SLC2A13: variants seen among roughly 807,000 people sequenced by gnomAD.
The protein encoded by SLC2A13 is solute carrier family 2 member 13, also known as proton myo-inositol cotransporter.
A neutral mutation model predicts 64.4 loss-of-function variants in SLC2A13; 32 were observed. That is an observed-to-expected ratio of 0.50 (90% CI 0.37 to 0.67). SLC2A13 has a LOEUF of 0.67. Among genes scored for constraint, SLC2A13 ranks in the 30% least tolerant of loss-of-function variants. The pLI, the probability that SLC2A13 is intolerant of heterozygous loss-of-function variation, is 0.00. For synonymous variants in SLC2A13, 338 were observed against 327.1 expected (o/e 1.03, Z -0.36); for missense variants, 743 against 829.2 (o/e 0.90, Z 1.28).
intron 4 of SLC2A13, among the ~76,000 whole-genome samples, chr12:39,894,788 T>C (rs1368360610): frequency 1.3e-5 from 2 of 151,188 alleles, no homozygotes; most frequent in African/African-American, 4.9e-5. Flanking sequence ...GATGTAAAGA[T>C]TAGGGAATAA....
chr12:39,926,032 G>A (rs1945722807), intron 4 of SLC2A13, among the ~76,000 whole-genome samples: 1 of 151,968 alleles, frequency 6.6e-6, no homozygotes, highest in Non-Finnish European at 1.5e-5. Context: ...TTCTCATTTG[G>A]GCACGAATTT....
In SLC2A13 at chr12:39,760,170, T is replaced by A. The variant is rs769905519; in HGVS notation, c.1803A>T (p.Lys601Asn). 1 of 1,612,938 alleles carries A rather than the reference T, an allele frequency of 6.2e-7. No homozygotes were observed. Among genetic ancestry groups the A allele is most frequent in the South Asian group, 1.1e-5 (1 of 91,052 alleles). ...CAAAGAGTGATTCAATTTCCTCTAA[T>A]TTTTTGCCTTTGGTCTCAGGAAGAC... Reference protein sequence around the residue: ...YGCLPETKGKKLEEIESLFDN... With the variant: ...YGCLPETKGKNLEEIESLFDN... The change falls in exon 10 of 10, where the codon AAA (lysine) becomes AAT (asparagine). Residue 601 changes from lysine (K) to asparagine (N), a missense_variant. Coordinates refer to ENST00000280871, the MANE Select transcript of SLC2A13 (RefSeq NM_052885.4).
intron 6 of SLC2A13, among the ~76,000 whole-genome samples, chr12:39,861,915 C>A (rs1268115225): frequency 6.6e-6 from 1 of 152,086 alleles, no homozygotes; most frequent in Non-Finnish European, 1.5e-5. Flanking sequence ...GCAGGACGTG[C>A]AGGTCTGTTA....
intron 4 of SLC2A13, chr12:39,907,707 C>A (rs954178532): frequency 6.6e-5 from 10 of 151,920 alleles, no homozygotes; most frequent in African/African-American, 2.4e-4. Flanking sequence ...TGCAGAAAGC[C>A]CTCTGACCTG....
chr12:39,793,443 A>G (rs948854076), intron 7 of SLC2A13, among the ~76,000 whole-genome samples: 1 of 152,206 alleles, frequency 6.6e-6, no homozygotes, highest in Non-Finnish European at 1.5e-5. Flanking sequence ...AATCTTAGCA[A>G]TATAAGCTCA....
intron 4 of SLC2A13, among the ~76,000 whole-genome samples, chr12:39,915,994 A>G (rs1945515889): frequency 6.6e-6 from 1 of 151,954 alleles, no homozygotes; most frequent in African/African-American, 2.4e-5. Context: ...TTTTACTCCT[A>G]TTTCCAAGAA....
chr12:39,828,061 T>C (rs1942743318), intron 7 of SLC2A13, among the ~76,000 whole-genome samples: 1 of 152,072 alleles, frequency 6.6e-6, no homozygotes, highest in Non-Finnish European at 1.5e-5. Context: ...AAACCACCAA[T>C]CAACCAACAA....
At chr12:40,013,140 G>A (rs1177117172) in intron 3 of SLC2A13, among the ~76,000 whole-genome samples, 1 of 151,796 alleles carries the variant, frequency 6.6e-6, no homozygotes, top group East Asian at 1.9e-4. Context: ...GTGCAAAAAG[G>A]GTATAGTCAA....
chr12:39,969,817 G>T (rs1182761215), intron 3 of SLC2A13, among the ~76,000 whole-genome samples: 1 of 152,136 alleles, frequency 6.6e-6, no homozygotes, highest in Non-Finnish European at 1.5e-5. Context: ...GATCCCATTT[G>T]TCAATTTTGG....
At chr12:39,975,090 C>G (rs766103283) in intron 3 of SLC2A13, among the ~76,000 whole-genome samples, 10 of 152,112 alleles carry the variant, frequency 6.6e-5, no homozygotes, top group Non-Finnish European at 1.5e-4. Flanking sequence ...CTGGAAAGGG[C>G]TGAATTACTA....
intron 7 of SLC2A13, among the ~76,000 whole-genome samples, chr12:39,794,224 T>G (rs989801216): frequency 6.6e-6 from 1 of 151,962 alleles, no homozygotes. Context: ...AGCTCTCCCT[T>G]TGTTGCTTTT....
chr12:39,862,610 C>T (rs560936418), intron 6 of SLC2A13, among the ~76,000 whole-genome samples: 12 of 152,174 alleles, frequency 7.9e-5, no homozygotes, highest in Non-Finnish European at 1.8e-4. Context: ...GGAAAGCATA[C>T]TATCTACATT....
At chr12:39,788,529 T>C (rs1941270215) in intron 7 of SLC2A13, 3 of 152,162 alleles carry the variant, frequency 2.0e-5, no homozygotes, top group Admixed American at 2.0e-4. Context: ...ATTTAAAACT[T>C]ATAATTGTTT....
chr12:39,871,570 A>G (rs559793196), intron 5 of SLC2A13, among the ~76,000 whole-genome samples: 140 of 152,248 alleles, frequency 9.2e-4, no homozygotes, highest in African/African-American at 3.3e-3. Flanking sequence ...AGTAGATCCA[A>G]ATTATTCTTG....
chr12:39,784,416 T>C (rs1337077235), intron 7 of SLC2A13, among the ~76,000 whole-genome samples: 2 of 152,080 alleles, frequency 1.3e-5, no homozygotes, highest in African/African-American at 2.4e-5. Context: ...GCAGAAATAA[T>C]GCCACACATC....
chr12:40,105,829 C>T lies in SLC2A13; in HGVS notation c.-21G>A. On this transcript the variant is annotated 5_prime_UTR_variant, in exon 1 of 10. Transcript: ENST00000280871. The surrounding 1 kb of genome is among the most constrained non-coding windows in gnomAD (Gnocchi z 4.2). ...GACATAGGGCAGGGGCCCGGGGCTG[C>T]CCGGGGGGACGCGGCTCCGCGGGCC... The T allele has an allele frequency of 7.1e-7, 1 of 1,399,116 alleles. No homozygotes were observed. The highest frequency in any genetic ancestry group is 9.3e-7 in the Non-Finnish European group (1 of 1,077,040). 86.7% of individuals were successfully genotyped at this position (1,399,116 alleles called of 1,614,324 possible). A position where few individuals can be genotyped will look rare whatever the true frequency, so the allele number is the denominator to read the frequency against.
intron 6 of SLC2A13, among the ~76,000 whole-genome samples, chr12:39,832,374 A>C (rs1234882575): frequency 6.6e-6 from 1 of 152,154 alleles, no homozygotes; most frequent in Non-Finnish European, 1.5e-5. Context: ...TTTGCAGAGA[A>C]ATTATTCTCA....
chr12:39,856,613 C>A (rs2135907179), intron 6 of SLC2A13, among the ~76,000 whole-genome samples: 1 of 152,244 alleles, frequency 6.6e-6, no homozygotes, highest in Admixed American at 6.5e-5. Context: ...GTGATTTGCC[C>A]ACCTCGGCCT....
At chr12:39,981,898 T>C (rs1591976936) in intron 3 of SLC2A13, among the ~76,000 whole-genome samples, 4 of 110,206 alleles carry the variant, frequency 3.6e-5, no homozygotes, top group Non-Finnish European at 5.5e-5. Flanking sequence ...GACCAATATC[T>C]TTGATGAACA....
Sources: allele counts gnomAD v4.1 joint callset (sites outside exome capture counted in the v4.1 genomes callset), GRCh38; gene constraint gnomAD v4.1.1; non-coding constraint Gnocchi (gnomAD v3.1); transcripts MANE v1.5; gene names NCBI Gene and HGNC (gene_info 2026-07-23, HGNC 2026-07-21).